Variants in RABGAP1L observed in about 807,000 individuals in gnomAD.
The protein encoded by RABGAP1L is RAB GTPase activating protein 1 like.
In RABGAP1L, 63 loss-of-function variants were observed where a neutral mutation model predicts 137.7. The observed-to-expected ratio is 0.46, with a 90% CI of 0.37 to 0.56. The LOEUF is 0.56. Among genes scored for constraint, RABGAP1L ranks in the 20% least tolerant of loss-of-function variants. The pLI is 0.00. For synonymous variants in RABGAP1L, 431 were observed against 433.7 expected (o/e 0.99, Z 0.08); for missense variants, 1,095 against 1,244.0 (o/e 0.88, Z 1.80).
rs1553295766 is a variant in RABGAP1L at position 174,962,203 on chromosome 1, C to CCG, written c.2433+4655_2433+4656insGC. On this transcript the variant is annotated intron_variant, in intron 20 of 25. Transcript: ENST00000681986. ...AAATAAAAATAAAAATACACCCCCC[C>CCG]CCCACACACACACACAGCTAGTTAA... 8.0e-5 allele frequency among the ~76,000 whole-genome samples: 11 copies of CCG among 137,708 alleles called. 1 individual carries two copies. The highest frequency in any genetic ancestry group is 1.4e-4 in the Admixed American group (2 of 14,016). The allele number at this position is 137,708 out of a possible 152,430, so 90.3% of individuals were successfully genotyped here.
intron 19 of RABGAP1L, among the ~76,000 whole-genome samples, chr1:174,925,334 C>T (rs1353080383): frequency 1.7e-5 from 2 of 118,126 alleles, no homozygotes; most frequent in Non-Finnish European, 3.2e-5. Flanking sequence ...GGAGACAGAG[C>T]GAGACTCGAG....
chr1:174,216,967 A>C (rs1255353367), intron 1 of RABGAP1L, among the ~76,000 whole-genome samples: 3 of 152,128 alleles, frequency 2.0e-5, no homozygotes, highest in Non-Finnish European at 4.4e-5. Context: ...TTGAGGGAAG[A>C]AGACTGGAAA....
chr1:174,577,895 A>AT, intron 13 of RABGAP1L, among the ~76,000 whole-genome samples: 2 of 152,232 alleles, frequency 1.3e-5, no homozygotes, highest in Non-Finnish European at 2.9e-5. Flanking sequence ...ATGAGAAATT[A>AT]ACCACCCCTC....
At chr1:174,891,086 A>G (rs907827711) in intron 19 of RABGAP1L, among the ~76,000 whole-genome samples, 5 of 152,260 alleles carry the variant, frequency 3.3e-5, no homozygotes, top group African/African-American at 1.2e-4. Context: ...ATTAGTTAAT[A>G]TAACTACCAG....
At position 174,159,628 on chromosome 1, in the gene RABGAP1L, T is replaced by G. The variant is rs1282681443; in HGVS notation, c.-63T>G. 6 of 152,254 alleles carry G rather than the reference T, an allele frequency of 3.9e-5. No individual in the cohort carries two copies. Among genetic ancestry groups the G allele is most frequent in the African/African-American group, 1.4e-4 (6 of 41,416 alleles). The allele number at this position is 152,254 out of a possible 1,614,324, so 9.4% of individuals were successfully genotyped here. A position where few individuals can be genotyped will look rare whatever the true frequency, so the allele number is the denominator to read the frequency against. On this transcript the variant is annotated 5_prime_UTR_variant, in exon 1 of 26. Coordinates refer to ENST00000681986, the MANE Select transcript of RABGAP1L (RefSeq NM_001366446.1). ...ACGCGGGCGCCTGAAGGAGTTGTTG[T>G]CTCGGCAGCGCCCGCGGAGACGTGA...
intron 13 of RABGAP1L, among the ~76,000 whole-genome samples, chr1:174,459,395 A>G (rs1407651883): frequency 6.6e-6 from 1 of 152,160 alleles, no homozygotes; most frequent in Non-Finnish European, 1.5e-5. Context: ...TTAGAATAAA[A>G]GGAAACACTT....
At chr1:174,802,677 A>C (rs781223744) in intron 18 of RABGAP1L, among the ~76,000 whole-genome samples, 2 of 152,266 alleles carry the variant, frequency 1.3e-5, no homozygotes, top group Non-Finnish European at 1.5e-5. Flanking sequence ...TTTGTTTTAC[A>C]CAGTTGCACT....
chr1:174,193,628 G>A lies in RABGAP1L; in HGVS notation c.-33-25497G>A, dbSNP rs553637871. On this transcript the variant is annotated intron_variant, in intron 1 of 25. Transcript: ENST00000681986. ...AAAAGACTACAATTGCCTTTATGCTGATATGCCCTTATATTGAAGACTTGA... is the reference window on the plus strand; with the variant it reads ...AAAAGACTACAATTGCCTTTATGCTAATATGCCCTTATATTGAAGACTTGA... 2.0e-5 allele frequency among the ~76,000 whole-genome samples: 3 copies of A among 152,150 alleles called. No individual in the cohort carries two copies. In the East Asian group the frequency reaches 5.8e-4, roughly 29 times the overall value.
chr1:174,535,073 C>T (rs576799403), intron 13 of RABGAP1L, among the ~76,000 whole-genome samples: 1 of 152,176 alleles, frequency 6.6e-6, no homozygotes, highest in South Asian at 2.1e-4. Context: ...TTTTGAATGC[C>T]ACTGTTCAAC....
intron 17 of RABGAP1L, among the ~76,000 whole-genome samples, chr1:174,731,070 G>A (rs1297265018): frequency 6.6e-6 from 1 of 152,138 alleles, no homozygotes; most frequent in Non-Finnish European, 1.5e-5. Context: ...TGCCTCCTGG[G>A]TTCAAGCTAT....
At chr1:174,270,540 T>A (rs1674465503) in intron 7 of RABGAP1L, among the ~76,000 whole-genome samples, 1 of 152,084 alleles carries the variant, frequency 6.6e-6, no homozygotes, top group African/African-American at 2.4e-5. Context: ...ACAGACTTTA[T>A]CTCTACATAA....
At chr1:174,304,124 T>C (rs1201212798) in intron 10 of RABGAP1L, among the ~76,000 whole-genome samples, 2 of 152,186 alleles carry the variant, frequency 1.3e-5, no homozygotes, top group Non-Finnish European at 2.9e-5. Flanking sequence ...TTAACATGAA[T>C]GAATGCTGAA....
intron 19 of RABGAP1L, chr1:174,898,119 C>T (rs921879502): frequency 1.5e-4 from 22 of 151,700 alleles, no homozygotes; most frequent in African/African-American, 4.8e-4. Context: ...ATAAGAAGAA[C>T]ATAAAAAGCA....
intron 19 of RABGAP1L, among the ~76,000 whole-genome samples, chr1:174,819,212 A>AAG: frequency 1.3e-5 from 2 of 150,706 alleles, no homozygotes; most frequent in African/African-American, 2.4e-5. Context: ...AAAAAAAAAA[A>AAG]AGAGATAGTC....
intron 19 of RABGAP1L, among the ~76,000 whole-genome samples, chr1:174,910,319 G>A (rs543784622): frequency 1.3e-5 from 2 of 152,228 alleles, no homozygotes; most frequent in South Asian, 4.1e-4. Flanking sequence ...AAAGCATTTG[G>A]TAAAATTCAG....
intron 19 of RABGAP1L, among the ~76,000 whole-genome samples, chr1:174,830,368 T>G (rs1691988210): frequency 6.7e-6 from 1 of 148,222 alleles, no homozygotes; most frequent in African/African-American, 2.5e-5. Context: ...AAAATTTGCT[T>G]TTACTCGTTA....
chr1:174,989,181 T>C (rs1447066723), intron 25 of RABGAP1L, among the ~76,000 whole-genome samples: 1 of 152,188 alleles, frequency 6.6e-6, no homozygotes, highest in East Asian at 1.9e-4. Flanking sequence ...CCAAACCCCC[T>C]CTGCTGTGTC....
chr1:174,749,464 G>C (rs1684165076), intron 17 of RABGAP1L, among the ~76,000 whole-genome samples: 1 of 151,780 alleles, frequency 6.6e-6, no homozygotes, highest in Admixed American at 6.6e-5. Flanking sequence ...CATGAAGCTG[G>C]GACCACAGGT....
At chr1:174,605,821 T>A (rs1670749374) in intron 13 of RABGAP1L, among the ~76,000 whole-genome samples, 1 of 152,250 alleles carries the variant, frequency 6.6e-6, no homozygotes, top group Non-Finnish European at 1.5e-5. Context: ...GGCTTCATCT[T>A]TAACATCATC....
Sources: gnomAD v4.1 joint callset for allele counts (sites outside exome capture counted in the v4.1 genomes callset) on GRCh38, gnomAD v4.1.1 for gene constraint, MANE v1.5 for transcripts, NCBI Gene and HGNC (gene_info 2026-07-23, HGNC 2026-07-21) for gene names.